AKAP19: variants seen among roughly 807,000 people sequenced by gnomAD.
AKAP19 encodes the protein small A-kinase anchoring protein.
At chr2:189,920,063 T>C in the AKAP19 span, among the ~76,000 whole-genome samples, 1 of 152,254 alleles carries the variant, frequency 6.6e-6, no homozygotes. Context: ...TTAATCAGGA[T>C]AATTTACTTT....
chr2:190,038,063 G>T, the AKAP19 span, among the ~76,000 whole-genome samples: 3 of 152,144 alleles, frequency 2.0e-5, no homozygotes, highest in Admixed American at 6.5e-5. Flanking sequence ...TATTGAGATG[G>T]TTTGTTTTGC....
the AKAP19 span, among the ~76,000 whole-genome samples, chr2:189,938,108 T>C: frequency 6.6e-6 from 1 of 151,614 alleles, no homozygotes; most frequent in Non-Finnish European, 1.5e-5. Context: ...GGCTGAGGCG[T>C]GTGGATTGCC....
chr2:190,088,730 C>T, the AKAP19 span, among the ~76,000 whole-genome samples: 3 of 152,020 alleles, frequency 2.0e-5, no homozygotes, highest in Non-Finnish European at 4.4e-5. Flanking sequence ...GAGATTTTTC[C>T]TGGACATCTC....
At chr2:190,168,405 CA>C in the AKAP19 span, among the ~76,000 whole-genome samples, 1 of 151,964 alleles carries the variant, frequency 6.6e-6, no homozygotes, top group Non-Finnish European at 1.5e-5. Context: ...GGAGACATTC[CA>C]CCCCCACCCC....
the AKAP19 span, chr2:190,079,884 T>TGTGTGC: frequency 1.0e-5 from 1 of 96,002 alleles, no homozygotes; most frequent in Non-Finnish European, 2.3e-5. Context: ...TGTGTGTGTG[T>TGTGTGC]GTGTGTGAGA....
chr2:190,181,287 C>T, the AKAP19 span: 2 of 374,742 alleles, frequency 5.3e-6, no homozygotes, highest in Non-Finnish European at 7.4e-6. Flanking sequence ...TCTCCGTCCC[C>T]TAATCGAGAA....
chr2:189,915,520 C>A, the AKAP19 span, among the ~76,000 whole-genome samples: 1 of 151,878 alleles, frequency 6.6e-6, no homozygotes, highest in Non-Finnish European at 1.5e-5. Context: ...GGCCAGGATC[C>A]CAGCTAGCAA....
the AKAP19 span, chr2:190,180,767 G>T: frequency 1.0e-6 from 1 of 985,250 alleles, no homozygotes; most frequent in Non-Finnish European, 1.2e-6. This position sits in a 1 kb window ranked among gnomAD's most constrained non-coding sequence, Gnocchi z 6.8. Context: ...GCCAGGTGCG[G>T]GCCGCGAACC....
chr2:190,060,540 T>A, the AKAP19 span: 1 of 952,552 alleles, frequency 1.0e-6, no homozygotes, highest in Non-Finnish European at 1.5e-6. Context: ...AATGTATGCC[T>A]ATGCAGTCTT....
chr2:190,184,634 AG>A, the AKAP19 span, among the ~76,000 whole-genome samples: 6 of 152,200 alleles, frequency 3.9e-5, no homozygotes, highest in Admixed American at 3.9e-4. Context: ...GAGGAGGACT[AG>A]GAAGTCTGCA....
At chr2:190,123,953 C>A in the AKAP19 span, among the ~76,000 whole-genome samples, 1 of 152,176 alleles carries the variant, frequency 6.6e-6, no homozygotes, top group African/African-American at 2.4e-5. Context: ...CACTAATATC[C>A]TACCTTGGAC....
At chr2:189,891,182 G>T in the AKAP19 span, among the ~76,000 whole-genome samples, 2 of 149,862 alleles carry the variant, frequency 1.3e-5, no homozygotes, top group African/African-American at 4.9e-5. Flanking sequence ...AGCTTAGTTT[G>T]GCTAGATATG....
At chr2:190,010,145 G>A in the AKAP19 span, among the ~76,000 whole-genome samples, 1 of 152,174 alleles carries the variant, frequency 6.6e-6, no homozygotes, top group South Asian at 2.1e-4. Flanking sequence ...GGAAAGACAA[G>A]GGAGTATTTC....
At chr2:189,949,689 T>G in the AKAP19 span, among the ~76,000 whole-genome samples, 1 of 147,284 alleles carries the variant, frequency 6.8e-6, no homozygotes, top group Non-Finnish European at 1.5e-5. Flanking sequence ...TGGAGTGCAG[T>G]GGCACAATCT....
the AKAP19 span, among the ~76,000 whole-genome samples, chr2:190,066,084 T>C: frequency 6.6e-6 from 1 of 152,130 alleles, no homozygotes; most frequent in Non-Finnish European, 1.5e-5. Flanking sequence ...GTTGGTTTTG[T>C]CTTAAGTTAG....
chr2:189,880,877 A>G, the AKAP19 span, among the ~76,000 whole-genome samples: 16 of 152,236 alleles, frequency 1.1e-4, no homozygotes, highest in Admixed American at 5.2e-4. Flanking sequence ...TATTTAAATG[A>G]CTAGACTTGT....
the AKAP19 span, among the ~76,000 whole-genome samples, chr2:190,087,365 C>T: frequency 0.078 from 11,907 of 152,168 alleles, 1,352 homozygotes; most frequent in African/African-American, 0.25. Context: ...TCAACATGCC[C>T]GTTGCTAGGG....
chr2:189,975,998 G>C, the AKAP19 span, among the ~76,000 whole-genome samples: 8 of 152,156 alleles, frequency 5.3e-5, no homozygotes, highest in Admixed American at 1.3e-4. Context: ...GTCATTCTCC[G>C]TCCAGCTTTG....
At chr2:189,974,556 T>C in the AKAP19 span, among the ~76,000 whole-genome samples, 1 of 152,202 alleles carries the variant, frequency 6.6e-6, no homozygotes, top group Non-Finnish European at 1.5e-5. Context: ...GTTTCGTTGA[T>C]CTGTCTAATG....
Sources: gnomAD v4.1 joint callset for allele counts (sites outside exome capture counted in the v4.1 genomes callset) on GRCh38, gnomAD v4.1.1 for gene constraint, Gnocchi (gnomAD v3.1) non-coding constraint, MANE v1.5 for transcripts, NCBI Gene and HGNC (gene_info 2026-07-23, HGNC 2026-07-21) for gene names.